Variants in BTRC observed in about 807,000 individuals in gnomAD.
BTRC encodes the protein F-box/WD repeat-containing protein 1A.
Under a neutral mutation model 85.5 loss-of-function variants are expected in BTRC, and 42 were observed. That is an observed-to-expected ratio of 0.49 (90% CI 0.38 to 0.64). BTRC has a LOEUF of 0.64. BTRC is among the 30% of genes least tolerant of loss of function. The probability of loss-of-function intolerance (pLI) is 0.00; values close to 1 mark genes in which losing one functional copy is unlikely to be tolerated. For synonymous variants in BTRC, 255 were observed against 263.3 expected, an observed-to-expected ratio of 0.97 and a Z score of 0.30; for missense variants, 594 against 743.5, an observed-to-expected ratio of 0.80 and a Z score of 2.34.
At chr10:101,496,766 G>T (rs2134277133) in intron 4 of BTRC, among the ~76,000 whole-genome samples, 1 of 151,938 alleles carries the variant, frequency 6.6e-6, no homozygotes, top group Non-Finnish European at 1.5e-5. Context: ...CAACGCATTT[G>T]CCCTTTTTTT....
intron 4 of BTRC, among the ~76,000 whole-genome samples, chr10:101,503,617 A>G (rs564199164): frequency 1.2e-3 from 182 of 152,332 alleles, no homozygotes; most frequent in Non-Finnish European, 2.1e-3. Context: ...GACTTCCAGA[A>G]ATTACAAGTC....
Position 101,550,686 on chromosome 10 carries a change from T to C in BTRC, c.1657-13T>C, listed in dbSNP as rs771070906. ...AGTTCAAGTTCCTACCCTTTTTGTT[T>C]CTACTTCTTTAGGAGCATTCCGGAA... On this transcript the variant is annotated splice_polypyrimidine_tract_variant and intron_variant, in intron 13 of 14. Coordinates refer to ENST00000370187, the MANE Select transcript of BTRC (RefSeq NM_033637.4). The C allele has an allele frequency of 1.9e-6, 3 of 1,606,968 alleles. No homozygotes were observed. Among genetic ancestry groups the C allele is most frequent in the Non-Finnish European group, 1.7e-6 (2 of 1,174,102 alleles).
chr10:101,439,279 T>C (rs1944617579), intron 2 of BTRC, among the ~76,000 whole-genome samples: 1 of 152,128 alleles, frequency 6.6e-6, no homozygotes, highest in Admixed American at 6.5e-5. Context: ...ATTTCATCTT[T>C]TAGCTAAGAA....
intron 4 of BTRC, among the ~76,000 whole-genome samples, chr10:101,511,103 A>G (rs2134330049): frequency 6.6e-6 from 1 of 152,194 alleles, no homozygotes; most frequent in South Asian, 2.1e-4. Flanking sequence ...TCTCCTTTAC[A>G]CTTCAGATGA....
chr10:101,366,468 G>C (rs1045559105), intron 1 of BTRC, among the ~76,000 whole-genome samples: 3 of 151,942 alleles, frequency 2.0e-5, no homozygotes, highest in Non-Finnish European at 4.4e-5. Context: ...GAATTTAAGA[G>C]AGGCGACAGG....
chr10:101,433,812 T>G (rs1944459358), intron 2 of BTRC, among the ~76,000 whole-genome samples: 1 of 152,128 alleles, frequency 6.6e-6, no homozygotes, highest in South Asian at 2.1e-4. Context: ...AAAGGATAAT[T>G]TCAGTAGTTG....
intron 1 of BTRC, among the ~76,000 whole-genome samples, chr10:101,357,077 C>G (rs1337942513): frequency 7.0e-6 from 1 of 142,130 alleles, no homozygotes; most frequent in African/African-American, 2.6e-5. Context: ...TGCAGTGAGC[C>G]AAGATCGCGC....
chr10:101,442,262 A>ATCTCTCTCTCTCTCTCTCTC lies in BTRC; in HGVS notation c.156+11812_156+11831dup, dbSNP rs10531761. ...TTGCGACTGCACTAATTGAATTAGA[A>ATCTCTCTCTCTCTCTCTCTC]TCTCTCTCTCTCTCTCTCTCTGTCT... On this transcript the variant is annotated intron_variant, in intron 2 of 14. Coordinates refer to ENST00000370187, the MANE Select transcript of BTRC (RefSeq NM_033637.4). Among the ~76,000 whole-genome samples, 752 of 128,824 alleles carry ATCTCTCTCTCTCTCTCTCTC rather than the reference A, an allele frequency of 5.8e-3. 3 individuals carry two copies. The highest frequency in any genetic ancestry group is 0.012 in the Middle Eastern group (3 of 258). 84.5% of individuals were successfully genotyped at this position (128,824 alleles called of 152,430 possible). A position where few individuals can be genotyped will look rare whatever the true frequency, so the allele number is the denominator to read the frequency against.
At chr10:101,505,647 T>TA (rs954112337) in intron 4 of BTRC, among the ~76,000 whole-genome samples, 1 of 149,888 alleles carries the variant, frequency 6.7e-6, no homozygotes, top group Admixed American at 6.6e-5. Context: ...AAAATAATAA[T>TA]AAAAAAACAA....
chr10:101,407,980 C>T (rs1479492046), intron 1 of BTRC, among the ~76,000 whole-genome samples: 1 of 152,258 alleles, frequency 6.6e-6, no homozygotes, highest in South Asian at 2.1e-4. Flanking sequence ...CCTCGGCCTC[C>T]CAAAGTGCTG....
chr10:101,364,837 A>G (rs1231473515), intron 1 of BTRC: 1 of 114,898 alleles, frequency 8.7e-6, no homozygotes, highest in African/African-American at 3.4e-5. Flanking sequence ...TTTTTTTTGT[A>G]TCCCCGGAGC....
intron 1 of BTRC, among the ~76,000 whole-genome samples, chr10:101,383,413 G>A (rs1942988346): frequency 6.7e-6 from 1 of 148,244 alleles, no homozygotes; most frequent in Non-Finnish European, 1.5e-5. Flanking sequence ...AAAAAAAAAA[G>A]GCTAGTCAAG....
chr10:101,482,544 C>T (rs1178002692), intron 4 of BTRC, among the ~76,000 whole-genome samples: 2 of 151,610 alleles, frequency 1.3e-5, no homozygotes, highest in African/African-American at 4.8e-5. Flanking sequence ...TATAGGCGCC[C>T]GCCACCACGC....
At chr10:101,498,450 C>T (rs191392982) in intron 4 of BTRC, among the ~76,000 whole-genome samples, 23 of 152,172 alleles carry the variant, frequency 1.5e-4, no homozygotes, top group African/African-American at 5.5e-4. Flanking sequence ...CCACCACACC[C>T]GGCCTCCGAA....
intron 1 of BTRC, among the ~76,000 whole-genome samples, chr10:101,370,475 A>G (rs980619296): frequency 1.3e-5 from 2 of 152,128 alleles, no homozygotes; most frequent in African/African-American, 4.8e-5. Context: ...GATCCTGCAG[A>G]TGTCTGTTTT....
intron 4 of BTRC, among the ~76,000 whole-genome samples, chr10:101,515,158 G>C (rs1269519428): frequency 6.6e-6 from 1 of 151,990 alleles, no homozygotes; most frequent in Non-Finnish European, 1.5e-5. Context: ...GTTTTACCCT[G>C]TCAGCCAGGC....
chr10:101,520,920 GC>G (rs2062095324), intron 4 of BTRC, among the ~76,000 whole-genome samples: 1 of 152,082 alleles, frequency 6.6e-6, no homozygotes, highest in African/African-American at 2.4e-5. Context: ...CCAAGATCAT[GC>G]CAGTGCACTC....
intron 6 of BTRC, 48 bp from the exon 7 acceptor site, chr10:101,531,189 A>C (rs769676619): frequency 8.6e-6 from 12 of 1,389,348 alleles, no homozygotes; most frequent in Non-Finnish European, 1.1e-5. Context: ...TATGTATTTA[A>C]ATATATAATG....
At chr10:101,490,103 C>A (rs1183593993) in intron 4 of BTRC, among the ~76,000 whole-genome samples, 1 of 126,806 alleles carries the variant, frequency 7.9e-6, no homozygotes, top group Non-Finnish European at 1.9e-5. Context: ...CTCCCACCCC[C>A]ATTTTTTTTT....
Sources: allele counts gnomAD v4.1 joint callset (sites outside exome capture counted in the v4.1 genomes callset), GRCh38; gene constraint gnomAD v4.1.1; transcripts MANE v1.5; gene names NCBI Gene and HGNC (gene_info 2026-07-23, HGNC 2026-07-21).